The following PBX1 variants were observed in gnomAD, a reference collection of about 807,000 sequenced individuals.
PBX1 encodes pre-B-cell leukemia transcription factor 1.
A neutral mutation model predicts 53.4 loss-of-function variants in PBX1; 6 were observed. That is an observed-to-expected ratio of 0.11 (90% CI 0.06 to 0.22). The LOEUF is 0.22. PBX1 is among the 10% of genes least tolerant of loss of function. The pLI is 1.00. For missense variants in PBX1, 251 were observed against 551.4 expected, an observed-to-expected ratio of 0.46 and a Z score of 5.46; for synonymous variants, 204 against 212.3, an observed-to-expected ratio of 0.96 and a Z score of 0.34.
intron 2 of PBX1, among the ~76,000 whole-genome samples, chr1:164,652,701 TTATA>T (rs1227668938): frequency 6.6e-6 from 1 of 152,086 alleles, no homozygotes; most frequent in Non-Finnish European, 1.5e-5. Context: ...ACTTGAAAAT[TTATA>T]TACAGCAAAA....
intron 2 of PBX1, among the ~76,000 whole-genome samples, chr1:164,655,746 G>A (rs1660128601): frequency 6.6e-6 from 1 of 152,162 alleles, no homozygotes; most frequent in Non-Finnish European, 1.5e-5. Flanking sequence ...CTTTAGATTT[G>A]TAAAACATTG....
chr1:164,659,613 C>T (rs1209921195), intron 2 of PBX1, among the ~76,000 whole-genome samples: 2 of 152,194 alleles, frequency 1.3e-5, no homozygotes, highest in African/African-American at 4.8e-5. Flanking sequence ...GAGTGGACAC[C>T]TCCATTGGCT....
intron 2 of PBX1, among the ~76,000 whole-genome samples, chr1:164,603,929 A>ATTTCAT (rs1656369037): frequency 5.3e-5 from 4 of 75,744 alleles, no homozygotes; most frequent in African/African-American, 2.5e-4. Context: ...ATGTCATTTC[A>ATTTCAT]TTTTTTTTTT....
chr1:164,605,034 A>T (rs1468941415), intron 2 of PBX1, among the ~76,000 whole-genome samples: 1 of 151,834 alleles, frequency 6.6e-6, no homozygotes, highest in Non-Finnish European at 1.5e-5. Context: ...CCCTAATCTC[A>T]AGGAACCTGT....
Position 164,851,247 on chromosome 1 carries a change from T to G in PBX1, c.*4571T>G, listed in dbSNP as rs1671827394. ...CATATTATCTGGAAAAAAATTCATT[T>G]TAAATACCATCATTCAACAAATTAT... On this transcript the variant is annotated 3_prime_UTR_variant, in exon 9 of 9. Coordinates refer to ENST00000420696, the MANE Select transcript of PBX1 (RefSeq NM_002585.4). The G allele has an allele frequency of 4.8e-6, 1 of 209,026 alleles. No homozygotes were observed. Among genetic ancestry groups the G allele is most frequent in the Non-Finnish European group, 9.7e-6 (1 of 102,766 alleles). The allele number at this position is 209,026 out of a possible 1,614,324, so 12.9% of individuals were successfully genotyped here.
intron 2 of PBX1, among the ~76,000 whole-genome samples, chr1:164,878,179 T>C (rs1180327589): frequency 6.6e-6 from 1 of 152,226 alleles, no homozygotes; most frequent in Non-Finnish European, 1.5e-5. Context: ...GTGTGCCAAA[T>C]GGCAAGTTTC....
At chr1:164,579,834 A>G (rs1405137074) in intron 2 of PBX1, among the ~76,000 whole-genome samples, 1 of 152,134 alleles carries the variant, frequency 6.6e-6, no homozygotes, top group Non-Finnish European at 1.5e-5. Flanking sequence ...GTTCATATGT[A>G]ATAGGAGTTA....
intron 2 of PBX1, among the ~76,000 whole-genome samples, chr1:164,679,163 C>A (rs1303655489): frequency 6.6e-6 from 1 of 152,162 alleles, no homozygotes; most frequent in Non-Finnish European, 1.5e-5. Context: ...TAACCACATC[C>A]AATAATTTGT....
intron 2 of PBX1, among the ~76,000 whole-genome samples, chr1:164,663,160 G>GCCTGCCTTCCTT (rs911256140): frequency 1.4e-4 from 20 of 143,432 alleles, no homozygotes; most frequent in South Asian, 9.3e-4. Flanking sequence ...CTTCTTGCCT[G>GCCTGCCTTCCTT]CCTGCCTTCC....
At chr1:164,616,165 G>A (rs1404826956) in intron 2 of PBX1, among the ~76,000 whole-genome samples, 3 of 152,130 alleles carry the variant, frequency 2.0e-5, no homozygotes, top group Admixed American at 6.5e-5. Flanking sequence ...ACTTTCAAAT[G>A]GTGGTTCTTC....
intron 2 of PBX1, among the ~76,000 whole-genome samples, chr1:164,630,563 G>A (rs1658346831): frequency 6.6e-6 from 1 of 152,034 alleles, no homozygotes; most frequent in Non-Finnish European, 1.5e-5. Flanking sequence ...ACATGCACTA[G>A]GTTCCTACCA....
chr1:164,775,371 G>A (rs181840259), intron 2 of PBX1, among the ~76,000 whole-genome samples: 69 of 152,270 alleles, frequency 4.5e-4, no homozygotes, highest in Non-Finnish European at 7.6e-4. Context: ...GGACTATGGC[G>A]GGACAAGTTG....
At chr1:164,713,138 A>G (rs1571270739) in intron 2 of PBX1, among the ~76,000 whole-genome samples, 2 of 152,148 alleles carry the variant, frequency 1.3e-5, no homozygotes, top group East Asian at 3.9e-4. Flanking sequence ...GACTGACACT[A>G]AACCCCTGGG....
At chr1:164,811,706 C>G (rs975289180) in intron 5 of PBX1, among the ~76,000 whole-genome samples, 1 of 152,128 alleles carries the variant, frequency 6.6e-6, no homozygotes, top group Non-Finnish European at 1.5e-5. Context: ...AATGCTTGCT[C>G]TAAATTAAAA....
rs386368555 is a variant in PBX1, at chr1:164,691,011, CTTT to C, written c.266-101464_266-101462del. On this transcript the variant is annotated intron_variant, in intron 2 of 8. Coordinates refer to ENST00000420696, the MANE Select transcript of PBX1 (RefSeq NM_002585.4). The stretch of plus-strand genomic sequence containing the variant: ...GTAAAGTGATCAAGAGTTGTTAAAT[CTTT>C]TTTTTTTTTTTTTTTTTTGTGACAG... 5.1e-3 allele frequency among the ~76,000 whole-genome samples: 539 copies of C among 106,488 alleles called. 6 individuals carry two copies. The East Asian group carries it at 0.064, about 13-fold the overall frequency. The allele number at this position is 106,488 out of a possible 152,430, so 69.9% of individuals were successfully genotyped here.
chr1:164,816,063 A>T (rs1212357337), intron 6 of PBX1: 1 of 152,212 alleles, frequency 6.6e-6, no homozygotes, highest in Non-Finnish European at 1.5e-5. Flanking sequence ...AACCAAGTGA[A>T]AATATTTATC....
chr1:164,796,081 G>A (rs933195135), intron 3 of PBX1, among the ~76,000 whole-genome samples: 4 of 150,250 alleles, frequency 2.7e-5, no homozygotes, highest in Admixed American at 6.6e-5. Context: ...GCAGTGGCAC[G>A]ATCTCGGCTC....
chr1:164,675,002 A>T (rs1204916267), intron 2 of PBX1, among the ~76,000 whole-genome samples: 1 of 152,160 alleles, frequency 6.6e-6, no homozygotes, highest in Non-Finnish European at 1.5e-5. Flanking sequence ...TTCTCAGAAC[A>T]ACTCAAAGAG....
chr1:164,794,034 C>A (rs1281790049), intron 3 of PBX1, among the ~76,000 whole-genome samples: 2 of 151,926 alleles, frequency 1.3e-5, no homozygotes, highest in African/African-American at 2.4e-5. Context: ...GCCAGCATAC[C>A]CAGCTAATCT....
Sources: allele counts gnomAD v4.1 joint callset (sites outside exome capture counted in the v4.1 genomes callset), GRCh38; gene constraint gnomAD v4.1.1; transcripts MANE v1.5; gene names NCBI Gene and HGNC (gene_info 2026-07-23, HGNC 2026-07-21).